Variants in ATF7 observed in about 807,000 individuals in gnomAD.
ATF7 encodes cyclic AMP-dependent transcription factor ATF-7.
In ATF7, 10 loss-of-function variants were observed where a neutral mutation model predicts 50.4. The ratio of observed to expected loss-of-function variants is 0.20; its 90% CI spans 0.12 to 0.34. The LOEUF (loss-of-function observed/expected upper bound fraction) is 0.34. Among genes scored for constraint, ATF7 ranks in the 10% least tolerant of loss-of-function variants. ATF7 has a pLI of 1.00. For missense variants in ATF7, 465 were observed against 613.9 expected, an observed-to-expected ratio of 0.76 and a Z score of 2.56; for synonymous variants, 201 against 226.4, an observed-to-expected ratio of 0.89 and a Z score of 1.01.
chr12:53,518,007 G>A (rs952537240), intron 11 of ATF7, among the ~76,000 whole-genome samples: 1 of 152,132 alleles, frequency 6.6e-6, no homozygotes, highest in Non-Finnish European at 1.5e-5. Context: ...TGGGACTACA[G>A]GTGCACACTG....
chr12:53,541,516 C>T lies in ATF7; in HGVS notation c.264+1814G>A, dbSNP rs146317453. ...TGGGAACTATCTTCCTTTGACTCTG[C>T]TTCTTCAAGTATTTCCTCTCGTCTT... On this transcript the variant is annotated intron_variant, in intron 4 of 11. Coordinates refer to ENST00000420353, the MANE Select transcript of ATF7 (RefSeq NM_006856.3). Among the ~76,000 whole-genome samples the T allele has an allele frequency of 3.5e-4, 54 of 152,266 alleles. No individual in the cohort carries two copies. In the East Asian group the frequency reaches 0.01, roughly 29 times the overall value.
chr12:53,606,592 T>C (rs1943617271), intron 1 of ATF7, among the ~76,000 whole-genome samples: 4 of 152,096 alleles, frequency 2.6e-5, no homozygotes, highest in Non-Finnish European at 5.9e-5. Flanking sequence ...ACTTTAAGTT[T>C]TAGGGTACAT....
chr12:53,588,966 C>G (rs1942837219), intron 2 of ATF7, among the ~76,000 whole-genome samples: 1 of 151,686 alleles, frequency 6.6e-6, no homozygotes, highest in South Asian at 2.1e-4. Flanking sequence ...TTTGCTCAGG[C>G]AGAGCTCAGC....
intron 1 of ATF7, among the ~76,000 whole-genome samples, chr12:53,606,612 G>T (rs572958712): frequency 6.6e-6 from 1 of 151,778 alleles, no homozygotes; most frequent in Non-Finnish European, 1.5e-5. Flanking sequence ...TGTGCACAAC[G>T]TGCAGGTTTG....
rs1053438277 is a variant in ATF7 at position 53,610,421 on chromosome 12, C to T, written c.-21-9400G>A. Among the ~76,000 whole-genome samples, 10 of 151,786 alleles carry T rather than the reference C, an allele frequency of 6.6e-5. No homozygotes were observed. In the East Asian group the frequency reaches 7.8e-4, roughly 12 times the overall value. On this transcript the variant is annotated intron_variant, in intron 1 of 11. Transcript: ENST00000420353. Reference sequence around the variant, plus strand: ...CTCTACTAAAAATACAAAAATTAGCCGGGTGTCATGGCAGGCACCTGTAAT... The same window carrying T: ...CTCTACTAAAAATACAAAAATTAGCTGGGTGTCATGGCAGGCACCTGTAAT...
intron 2 of ATF7, chr12:53,575,845 C>A: frequency 6.5e-6 from 1 of 152,690 alleles, no homozygotes. Flanking sequence ...TCAGAAAACC[C>A]ACTCAGGGAA....
intron 2 of ATF7, among the ~76,000 whole-genome samples, chr12:53,585,704 A>G (rs1261108093): frequency 6.6e-6 from 1 of 152,148 alleles, no homozygotes; most frequent in South Asian, 2.1e-4. Flanking sequence ...CAGAGCTTCA[A>G]TCCAATTATG....
chr12:53,554,870 G>GAAAAAAAAAAAAAA (rs61675595), intron 2 of ATF7, among the ~76,000 whole-genome samples: 9 of 76,018 alleles, frequency 1.2e-4, no homozygotes, highest in Non-Finnish European at 1.7e-4. Context: ...CTCAAAAAAA[G>GAAAAAAAAAAAAAA]AAAAAAAAAA....
intron 2 of ATF7, among the ~76,000 whole-genome samples, chr12:53,566,717 C>T (rs1055018484): frequency 6.6e-6 from 1 of 152,040 alleles, no homozygotes; most frequent in African/African-American, 2.4e-5. Context: ...TTCTGGACAC[C>T]TTGTGTTATA....
intron 2 of ATF7, among the ~76,000 whole-genome samples, chr12:53,557,524 A>G (rs1359816303): frequency 6.6e-6 from 1 of 152,170 alleles, no homozygotes; most frequent in East Asian, 1.9e-4. Context: ...AATACCCTTA[A>G]AGGATCTTCC....
intron 4 of ATF7, among the ~76,000 whole-genome samples, chr12:53,540,416 ATTAAT>A (rs952434705): frequency 2.6e-5 from 4 of 151,400 alleles, no homozygotes; most frequent in Non-Finnish European, 5.9e-5. Flanking sequence ...TCCCTGCTTT[ATTAAT>A]TTATTTAAAG....
chr12:53,511,384 G>C (rs1019316395), downstream of ATF7, among the ~76,000 whole-genome samples: 1 of 152,152 alleles, frequency 6.6e-6, no homozygotes, highest in Non-Finnish European at 1.5e-5. Context: ...GAGTAGCTGG[G>C]ATTACAGGCG....
intron 2 of ATF7, among the ~76,000 whole-genome samples, chr12:53,573,338 C>T (rs974092121): frequency 6.6e-6 from 1 of 152,100 alleles, no homozygotes; most frequent in African/African-American, 2.4e-5. Flanking sequence ...TCCACAGATA[C>T]TCAAGTCCCT....
chr12:53,582,291 T>C (rs1459780381), intron 2 of ATF7, among the ~76,000 whole-genome samples: 1 of 145,420 alleles, frequency 6.9e-6, no homozygotes, highest in Non-Finnish European at 1.5e-5. Flanking sequence ...ATCATGCCAC[T>C]ACACTCCAGC....
At chr12:53,574,782 G>C in intron 2 of ATF7, 1 of 219,704 alleles carries the variant, frequency 4.6e-6, no homozygotes, top group Non-Finnish European at 8.9e-6. Context: ...TAACCAGTAA[G>C]CTTCAGTGGT....
Position 53,524,431 on chromosome 12 carries a change from A to G in ATF7, c.1125+133T>C, listed in dbSNP as rs1297274006. The stretch of plus-strand genomic sequence containing the variant: ...AGATTTCAACTCTGACCGTTAAGAG[A>G]TTCTTCATGGGACAACTAGATCTGT... On this transcript the variant is annotated intron_variant, in intron 10 of 11. Coordinates refer to ENST00000420353, the MANE Select transcript of ATF7 (RefSeq NM_006856.3). The surrounding 1 kb of genome is among the most constrained non-coding windows in gnomAD (Gnocchi z 4.6). The G allele has an allele frequency of 1.9e-6, 2 of 1,035,486 alleles. No individual in the cohort carries two copies. The highest frequency in any genetic ancestry group is 2.8e-6 in the Non-Finnish European group (2 of 723,538). 64.1% of individuals were successfully genotyped at this position (1,035,486 alleles called of 1,614,324 possible).
chr12:53,546,129 T>G (rs188744671), intron 3 of ATF7, among the ~76,000 whole-genome samples: 127 of 151,626 alleles, frequency 8.4e-4, no homozygotes, highest in African/African-American at 2.7e-3. Context: ...GAGGCAGAGG[T>G]TGCAGTGAGC....
chr12:53,559,214 T>G (rs1204963939), intron 2 of ATF7, among the ~76,000 whole-genome samples: 1 of 149,980 alleles, frequency 6.7e-6, no homozygotes, highest in South Asian at 2.1e-4. Context: ...TAAGATTTTT[T>G]TACTTTTTTC....
chr12:53,575,541 A>T (rs1592909085), intron 2 of ATF7: 1 of 147,816 alleles, frequency 6.8e-6, no homozygotes, highest in South Asian at 2.2e-4. Context: ...GCACCACTGC[A>T]CTCCAGCCTG....
Sources: allele counts gnomAD v4.1 joint callset (sites outside exome capture counted in the v4.1 genomes callset), GRCh38; gene constraint gnomAD v4.1.1; non-coding constraint Gnocchi (gnomAD v3.1); transcripts MANE v1.5; gene names NCBI Gene and HGNC (gene_info 2026-07-23, HGNC 2026-07-21).